Variants in CTNNA3 observed in about 807,000 individuals in gnomAD.
CTNNA3 encodes catenin alpha-3.
CTNNA3 carries 76 observed loss-of-function variants against 95.7 expected under a neutral mutation model. The observed-to-expected ratio is 0.79, with a 90% CI of 0.66 to 0.96. CTNNA3 has a LOEUF of 0.96. Ranked by LOEUF, CTNNA3 falls within the 40% of genes least tolerant of loss-of-function variation. CTNNA3 has a pLI of 0.00. For synonymous variants in CTNNA3, 431 were observed against 374.4 expected, an observed-to-expected ratio of 1.15 and a Z score of -1.74; for missense variants, 1,191 against 1,089.8, an observed-to-expected ratio of 1.09 and a Z score of -1.31.
chr10:66,955,608 G>C (rs1589486523), intron 7 of CTNNA3, among the ~76,000 whole-genome samples: 1 of 152,108 alleles, frequency 6.6e-6, no homozygotes, highest in South Asian at 2.1e-4. Flanking sequence ...ATAAATGTTG[G>C]ATGAATGGAT....
chr10:67,731,153 A>C (rs943785635), intron 1 of CTNNA3, among the ~76,000 whole-genome samples: 2 of 152,212 alleles, frequency 1.3e-5, no homozygotes, highest in East Asian at 3.8e-4. Context: ...TTAAGAGTTA[A>C]AGGTGGTTAT....
intron 13 of CTNNA3, among the ~76,000 whole-genome samples, chr10:66,201,284 A>C (rs892901071): frequency 3.3e-5 from 5 of 151,844 alleles, no homozygotes; most frequent in African/African-American, 1.2e-4. Context: ...CTCTCTTATC[A>C]CCATCATCAT....
At chr10:66,153,041 A>T (rs998016998) in intron 13 of CTNNA3, among the ~76,000 whole-genome samples, 1 of 151,716 alleles carries the variant, frequency 6.6e-6, no homozygotes, top group Admixed American at 6.6e-5. Flanking sequence ...TCTTTTCTTC[A>T]TATTGATCTA....
intron 3 of CTNNA3, among the ~76,000 whole-genome samples, chr10:67,600,730 A>G (rs1231591910): frequency 1.3e-5 from 2 of 152,248 alleles, no homozygotes; most frequent in African/African-American, 4.8e-5. Context: ...GAAAGTCTAC[A>G]TTAATGCACT....
intron 2 of CTNNA3, among the ~76,000 whole-genome samples, chr10:67,640,753 G>A (rs1462759504): frequency 6.6e-6 from 1 of 152,280 alleles, no homozygotes; most frequent in Admixed American, 6.5e-5. Flanking sequence ...AAGAAATGGG[G>A]AAACGATTCC....
At chr10:66,681,005 T>A (rs184288471) in intron 9 of CTNNA3, among the ~76,000 whole-genome samples, 50 of 152,318 alleles carry the variant, frequency 3.3e-4, no homozygotes, top group Non-Finnish European at 5.9e-4. Context: ...AAATGTTGCA[T>A]AAGCTGTGTA....
chr10:66,062,621 T>C lies in CTNNA3; in HGVS notation c.2159+6687A>G, dbSNP rs192333530. 2.6e-3 allele frequency among the ~76,000 whole-genome samples: 389 copies of C among 152,284 alleles called. 5 individuals carry two copies. The highest frequency in any genetic ancestry group is 9.0e-3 in the African/African-American group (376 of 41,568). On this transcript the variant is annotated intron_variant, in intron 15 of 17. Coordinates refer to ENST00000433211, the MANE Select transcript of CTNNA3 (RefSeq NM_013266.4). ...ACAGATTTCATTCATTTTAAAACAA[T>C]TGGAGATTTATCACAGTTTATATGA...
At chr10:66,525,153 G>GA (rs1346139102) in intron 10 of CTNNA3, among the ~76,000 whole-genome samples, 1 of 151,656 alleles carries the variant, frequency 6.6e-6, no homozygotes, top group East Asian at 1.9e-4. Context: ...GGAGAATGGG[G>GA]AAAATATATC....
At chr10:67,581,435 T>C (rs527723396) in intron 3 of CTNNA3, among the ~76,000 whole-genome samples, 1 of 152,340 alleles carries the variant, frequency 6.6e-6, no homozygotes, top group South Asian at 2.1e-4. Context: ...GATAAGCTTT[T>C]TGATGTGCTG....
intron 15 of CTNNA3, among the ~76,000 whole-genome samples, chr10:65,992,629 T>C (rs1405134227): frequency 6.6e-6 from 1 of 152,106 alleles, no homozygotes; most frequent in African/African-American, 2.4e-5. Flanking sequence ...TTGGGTATTC[T>C]CTCTTTTCTT....
intron 5 of CTNNA3, among the ~76,000 whole-genome samples, chr10:67,237,585 T>C (rs1429259162): frequency 1.3e-5 from 2 of 150,514 alleles, no homozygotes; most frequent in African/African-American, 2.4e-5. Context: ...CTAAGTATAA[T>C]AGAAAAAAAA....
Position 67,682,498 on chromosome 10 carries a change from T to C in CTNNA3, c.-6+13502A>G, listed in dbSNP as rs573156000. 3.8e-3 allele frequency among the ~76,000 whole-genome samples: 573 copies of C among 152,268 alleles called. 4 individuals carry two copies. Among genetic ancestry groups the C allele is most frequent in the African/African-American group, 0.013 (546 of 41,542 alleles). On this transcript the variant is annotated intron_variant, in intron 1 of 17. Transcript: ENST00000433211. ...TATTATTTTCACCAAGCAGCCAAAATTGAAAATTTTTGATATGGTATCATC... is the reference window on the plus strand; with the variant it reads ...TATTATTTTCACCAAGCAGCCAAAACTGAAAATTTTTGATATGGTATCATC...
At chr10:66,605,019 G>T (rs1377743702) in intron 10 of CTNNA3, among the ~76,000 whole-genome samples, 1 of 152,136 alleles carries the variant, frequency 6.6e-6, no homozygotes, top group African/African-American at 2.4e-5. Flanking sequence ...TCATTAAGAT[G>T]CAGGAGTACA....
intron 12 of CTNNA3, among the ~76,000 whole-genome samples, chr10:66,305,870 A>G (rs1416583286): frequency 6.6e-6 from 1 of 152,240 alleles, no homozygotes; most frequent in Non-Finnish European, 1.5e-5. Context: ...TATCCCTTGC[A>G]CTTTGCCTCA....
intron 5 of CTNNA3, among the ~76,000 whole-genome samples, chr10:67,375,929 C>A (rs533877575): frequency 6.6e-6 from 1 of 152,074 alleles, no homozygotes; most frequent in Non-Finnish European, 1.5e-5. Flanking sequence ...TTCAGGAAGG[C>A]GGAACCCTTA....
chr10:65,962,523 C>T (rs2077866620), intron 17 of CTNNA3, among the ~76,000 whole-genome samples: 1 of 151,964 alleles, frequency 6.6e-6, no homozygotes, highest in Non-Finnish European at 1.5e-5. Context: ...ATCAATATTG[C>T]CCTAAGTAAG....
intron 7 of CTNNA3, among the ~76,000 whole-genome samples, chr10:66,924,858 G>C (rs1347275628): frequency 6.6e-6 from 1 of 152,122 alleles, no homozygotes; most frequent in African/African-American, 2.4e-5. Context: ...CATAGGGAAG[G>C]TAAGTAACGC....
chr10:65,975,921 A>C (rs10762020), intron 16 of CTNNA3, among the ~76,000 whole-genome samples: 118,128 of 151,972 alleles, frequency 0.78, 46,250 homozygotes, highest in Non-Finnish European at 0.84. Flanking sequence ...CAATGATAAT[A>C]CCTGACATGT....
intron 9 of CTNNA3, among the ~76,000 whole-genome samples, chr10:66,731,238 T>TC (rs1299703741): frequency 6.6e-6 from 1 of 152,174 alleles, no homozygotes; most frequent in African/African-American, 2.4e-5. Context: ...GCAATCTGAA[T>TC]CCCCAAGTTC....
Sources: allele counts gnomAD v4.1 joint callset (sites outside exome capture counted in the v4.1 genomes callset), GRCh38; gene constraint gnomAD v4.1.1; transcripts MANE v1.5; gene names NCBI Gene and HGNC (gene_info 2026-07-23, HGNC 2026-07-21).